GPC5: variants seen among roughly 807,000 people sequenced by gnomAD.
The protein encoded by GPC5 is glypican 5.
GPC5 carries 47 observed loss-of-function variants against 53.9 expected under a neutral mutation model. The observed-to-expected ratio is 0.87, with a 90% CI of 0.69 to 1.11. The LOEUF is 1.11. Ranked by LOEUF, GPC5 falls within the 50% of genes most tolerant of loss-of-function variation. The probability of loss-of-function intolerance (pLI) is 0.00; values close to 1 mark genes in which losing one functional copy is unlikely to be tolerated. For missense variants in GPC5, 748 were observed against 713.1 expected (o/e 1.05, Z -0.56); for synonymous variants, 286 against 263.3 (o/e 1.09, Z -0.84).
chr13:91,992,711 C>G (rs1160284492), intron 6 of GPC5, among the ~76,000 whole-genome samples: 1 of 152,126 alleles, frequency 6.6e-6, no homozygotes, highest in Non-Finnish European at 1.5e-5. Flanking sequence ...CCACCTCATC[C>G]TCCCAAAGTT....
At chr13:91,596,544 G>A (rs890114880) in intron 2 of GPC5, among the ~76,000 whole-genome samples, 3 of 152,062 alleles carry the variant, frequency 2.0e-5, no homozygotes, top group Non-Finnish European at 2.9e-5. Flanking sequence ...GTTTTTGATC[G>A]AATATCAGAC....
At chr13:91,984,759 T>C (rs1483544649) in intron 6 of GPC5, among the ~76,000 whole-genome samples, 1 of 152,226 alleles carries the variant, frequency 6.6e-6, no homozygotes, top group Non-Finnish European at 1.5e-5. Context: ...TTAAAAAGCC[T>C]AAACATTATT....
At chr13:92,568,253 G>A (rs1882919544) in intron 7 of GPC5, among the ~76,000 whole-genome samples, 1 of 152,168 alleles carries the variant, frequency 6.6e-6, no homozygotes, top group Non-Finnish European at 1.5e-5. Context: ...GAAAAACAGT[G>A]TGTTAACCAA....
rs577758089 is a variant in GPC5, at chr13:91,994,044, G to C, written c.1401+85987G>C. On this transcript the variant is annotated intron_variant, in intron 6 of 7. Coordinates refer to ENST00000377067, the MANE Select transcript of GPC5 (RefSeq NM_004466.6). ...TTTTTTACACAGAAACCAGGGAACT[G>C]CCTAACGTTGAGATGTTTTACTGAA... Among the ~76,000 whole-genome samples, 107 of 152,300 alleles carry C rather than the reference G, an allele frequency of 7.0e-4. 2 individuals are homozygous for C. The South Asian group carries it at 0.02, about 29-fold the overall frequency.
At chr13:91,828,396 T>C (rs566852321) in intron 5 of GPC5, among the ~76,000 whole-genome samples, 5 of 151,856 alleles carry the variant, frequency 3.3e-5, no homozygotes. Context: ...GGAAGGAAGA[T>C]AGATAGAGAC....
intron 2 of GPC5, among the ~76,000 whole-genome samples, chr13:91,625,185 T>C (rs1359967605): frequency 1.3e-5 from 2 of 151,098 alleles, no homozygotes; most frequent in African/African-American, 2.4e-5. Context: ...GCCAAAGAGA[T>C]TGATGACATA....
At chr13:92,386,677 A>G (rs891034531) in intron 7 of GPC5, among the ~76,000 whole-genome samples, 31 of 152,096 alleles carry the variant, frequency 2.0e-4, no homozygotes, top group Admixed American at 2.0e-3. Context: ...ATATTGTGGT[A>G]ACAAGCAGTC....
intron 2 of GPC5, among the ~76,000 whole-genome samples, chr13:91,507,234 C>G (rs945445955): frequency 4.5e-4 from 68 of 152,256 alleles, no homozygotes; most frequent in African/African-American, 1.4e-3. Flanking sequence ...TCTTCTTGCT[C>G]TGTCATCACA....
intron 3 of GPC5, among the ~76,000 whole-genome samples, chr13:91,714,972 C>T (rs868077396): frequency 6.6e-6 from 1 of 152,218 alleles, no homozygotes; most frequent in Non-Finnish European, 1.5e-5. Context: ...CCTCCATAGG[C>T]AATGTGTTGA....
chr13:91,867,331 A>G (rs539659911), intron 5 of GPC5, among the ~76,000 whole-genome samples: 1 of 152,324 alleles, frequency 6.6e-6, no homozygotes, highest in African/African-American at 2.4e-5. Context: ...CACTTACATG[A>G]CATGTTTGCC....
chr13:92,098,583 G>GC (rs1043925704), intron 6 of GPC5, among the ~76,000 whole-genome samples: 27 of 152,102 alleles, frequency 1.8e-4, no homozygotes, highest in African/African-American at 5.1e-4. Flanking sequence ...CAGAAAAAAT[G>GC]CCCCCCCACA....
chr13:91,508,449 C>G (rs1566461822), intron 2 of GPC5, among the ~76,000 whole-genome samples: 1 of 152,046 alleles, frequency 6.6e-6, no homozygotes, highest in Non-Finnish European at 1.5e-5. Flanking sequence ...GAAATTATGC[C>G]ATGTGAAGAC....
At chr13:92,541,997 A>C (rs1467428949) in intron 7 of GPC5, among the ~76,000 whole-genome samples, 1 of 151,928 alleles carries the variant, frequency 6.6e-6, no homozygotes, top group East Asian at 1.9e-4. Context: ...CTTGCACCAG[A>C]AAGGGTCTGT....
intron 7 of GPC5, among the ~76,000 whole-genome samples, chr13:92,233,567 A>G (rs763809493): frequency 6.6e-6 from 1 of 152,196 alleles, no homozygotes; most frequent in Non-Finnish European, 1.5e-5. Context: ...AGGAAAAATC[A>G]TACAATATGT....
intron 5 of GPC5, among the ~76,000 whole-genome samples, chr13:91,761,660 G>A (rs1303334901): frequency 6.6e-6 from 1 of 152,194 alleles, no homozygotes; most frequent in African/African-American, 2.4e-5. Context: ...GGCTACAGAT[G>A]AAGAGATGCC....
intron 7 of GPC5, among the ~76,000 whole-genome samples, chr13:92,198,844 A>T (rs2042275052): frequency 6.6e-6 from 1 of 152,218 alleles, no homozygotes; most frequent in African/African-American, 2.4e-5. Flanking sequence ...GTCATATACT[A>T]AAATGAGAAG....
chr13:92,851,642 G>C (rs1028045098), intron 7 of GPC5, among the ~76,000 whole-genome samples: 2 of 151,852 alleles, frequency 1.3e-5, no homozygotes, highest in Non-Finnish European at 2.9e-5. Context: ...AGCACTTTGG[G>C]AGGCCAAGGA....
chr13:92,631,103 C>T (rs1479814169), intron 7 of GPC5, among the ~76,000 whole-genome samples: 1 of 151,820 alleles, frequency 6.6e-6, no homozygotes, highest in East Asian at 1.9e-4. Context: ...TTTTCATAAA[C>T]TCATAAGATC....
intron 7 of GPC5, among the ~76,000 whole-genome samples, chr13:92,309,843 T>C (rs1298179964): frequency 6.6e-6 from 1 of 152,098 alleles, no homozygotes; most frequent in African/African-American, 2.4e-5. Context: ...ATCTCCAGAG[T>C]GTATTTAACC....
Sources: gnomAD v4.1 joint callset for allele counts (sites outside exome capture counted in the v4.1 genomes callset) on GRCh38, gnomAD v4.1.1 for gene constraint, MANE v1.5 for transcripts, NCBI Gene and HGNC (gene_info 2026-07-23, HGNC 2026-07-21) for gene names.